SLC2A9: variants seen among roughly 807,000 people sequenced by gnomAD.
The protein encoded by SLC2A9 is solute carrier family 2 member 9.
A neutral mutation model predicts 50.6 loss-of-function variants in SLC2A9; 39 were observed. The observed-to-expected ratio is 0.77, with a 90% confidence interval of 0.60 to 1.01. The LOEUF is 1.01. Ranked by LOEUF, SLC2A9 falls within the 50% of genes least tolerant of loss-of-function variation. The pLI is 0.00. For missense variants in SLC2A9, 686 were observed against 677.6 expected, an observed-to-expected ratio of 1.01 and a Z score of -0.14; for synonymous variants, 324 against 276.9, an observed-to-expected ratio of 1.17 and a Z score of -1.69.
intron 3 of SLC2A9, among the ~76,000 whole-genome samples, chr4:9,819,556 C>A (rs1044226902): frequency 2.0e-5 from 3 of 152,138 alleles, no homozygotes; most frequent in African/African-American, 7.2e-5. Flanking sequence ...ATTTTTGATA[C>A]AAGTTCTTTG....
At chr4:9,812,564 A>C (rs1248200438) in intron 3 of SLC2A9, among the ~76,000 whole-genome samples, 1 of 152,142 alleles carries the variant, frequency 6.6e-6, no homozygotes, top group Non-Finnish European at 1.5e-5. Flanking sequence ...ATCACTAAAA[A>C]TATCTGTCTT....
intron 5 of SLC2A9, among the ~76,000 whole-genome samples, chr4:9,975,559 C>G (rs755999206): frequency 1.1e-4 from 17 of 152,298 alleles, no homozygotes; most frequent in Non-Finnish European, 2.1e-4. Flanking sequence ...GAGATACCAT[C>G]TCACACCAGT....
intron 10 of SLC2A9, among the ~76,000 whole-genome samples, chr4:9,874,536 C>T (rs1382565806): frequency 1.3e-5 from 2 of 152,188 alleles, no homozygotes; most frequent in African/African-American, 4.8e-5. Flanking sequence ...TGAGAGTGGG[C>T]TAGAAAGGAA....
intron 5 of SLC2A9, among the ~76,000 whole-genome samples, chr4:9,945,131 A>C (rs994865251): frequency 3.3e-5 from 5 of 152,258 alleles, no homozygotes; most frequent in Admixed American, 6.5e-5. Flanking sequence ...CTTACTGAGC[A>C]GGGGCTTGCA....
At chr4:9,817,722 A>C (rs1723804528) in intron 3 of SLC2A9, among the ~76,000 whole-genome samples, 1 of 152,180 alleles carries the variant, frequency 6.6e-6, no homozygotes, top group Admixed American at 6.5e-5. Context: ...CAACTCTCCT[A>C]ATTCTCAGTC....
chr4:9,798,473 A>G (rs187732612), downstream of SLC2A9, among the ~76,000 whole-genome samples: 33 of 152,274 alleles, frequency 2.2e-4, no homozygotes, highest in East Asian at 2.5e-3. Context: ...ATCATTATGT[A>G]AAGAGAGTTG....
intron 5 of SLC2A9, among the ~76,000 whole-genome samples, chr4:9,953,791 TTTTG>T (rs55668476): frequency 7.6e-4 from 115 of 151,216 alleles, no homozygotes; most frequent in Middle Eastern, 3.4e-3. Context: ...CCCAGCTAAA[TTTTG>T]TTTGTTTGTT....
chr4:9,865,877 CAG>C (rs1732379316), intron 10 of SLC2A9, among the ~76,000 whole-genome samples: 2 of 152,200 alleles, frequency 1.3e-5, no homozygotes, highest in Admixed American at 6.5e-5. Flanking sequence ...CACTGGTTTG[CAG>C]GAATCTGGCC....
chr4:9,788,586 T>A lies in SLC2A9; in HGVS notation n.386-8521A>T, dbSNP rs149523417. 3.7e-3 allele frequency among the ~76,000 whole-genome samples: 568 copies of A among 152,270 alleles called. 2 individuals are homozygous for A. Among genetic ancestry groups the A allele is most frequent in the African/African-American group, 0.012 (510 of 41,552 alleles). On this transcript the variant is annotated intron_variant and non_coding_transcript_variant, in intron 3 of 3. Transcript: ENST00000503803. Reference sequence around the variant, plus strand: ...TCCAGGTATGGGACCTGGGGACACATGTGTCCCATTTCTAAGATATTAACA... The same window carrying A: ...TCCAGGTATGGGACCTGGGGACACAAGTGTCCCATTTCTAAGATATTAACA...
At chr4:10,007,527 T>A (rs6449217) in intron 2 of SLC2A9, among the ~76,000 whole-genome samples, 89,730 of 152,092 alleles carry the variant, frequency 0.59, 26,939 homozygotes, top group East Asian at 0.89. Context: ...GTTTAATTAG[T>A]TGAAACATAA....
intron 3 of SLC2A9, chr4:9,783,280 C>T (rs774768050): frequency 8.1e-6 from 13 of 1,614,100 alleles, no homozygotes; most frequent in Middle Eastern, 1.6e-4. Context: ...TGCCCAACGC[C>T]GTTACCCCCG....
At chr4:9,790,213 T>C (rs1486546447) in intron 3 of SLC2A9, among the ~76,000 whole-genome samples, 7 of 152,214 alleles carry the variant, frequency 4.6e-5, no homozygotes, top group Admixed American at 3.9e-4. Context: ...TCATGTATAT[T>C]GCCCATGGGT....
intron 5 of SLC2A9, among the ~76,000 whole-genome samples, chr4:9,955,914 G>A (rs1751184826): frequency 1.1e-5 from 1 of 89,538 alleles, no homozygotes; most frequent in Non-Finnish European, 2.0e-5. Flanking sequence ...TTTCACTCTT[G>A]TTGCCCAGGC....
chr4:9,852,548 G>A (rs531351751), intron 10 of SLC2A9, among the ~76,000 whole-genome samples: 8 of 152,224 alleles, frequency 5.3e-5, no homozygotes, highest in South Asian at 2.1e-4. Context: ...CACCGCGCCC[G>A]GCCTCCAGTA....
chr4:9,805,080 C>T (rs898605206), intron 3 of SLC2A9, among the ~76,000 whole-genome samples: 3 of 152,224 alleles, frequency 2.0e-5, no homozygotes, highest in East Asian at 1.9e-4. Flanking sequence ...TGCAGATCTC[C>T]TGCCTGTGTC....
In SLC2A9 at chr4:9,844,155, AAAAATAATAAT is replaced by A. The variant is rs376976572; in HGVS notation, c.1292-9158_1292-9148del. Reference sequence around the variant, plus strand: ...GTGGAAGAGCCAGATTTAGTAAAAAAAAAATAATAATAAAAAAAAAAAAAAGTCCTTCTGAC... The same window carrying A: ...GTGGAAGAGCCAGATTTAGTAAAAAAAAAAAAAAAAAAAAGTCCTTCTGAC... On this transcript the variant is annotated intron_variant, in intron 10 of 11. Coordinates refer to ENST00000264784, the MANE Select transcript of SLC2A9 (RefSeq NM_020041.3). Among the ~76,000 whole-genome samples the A allele has an allele frequency of 3.8e-3, 351 of 91,674 alleles. 45 individuals are homozygous for A. Among genetic ancestry groups the A allele is most frequent in the Middle Eastern group, 9.4e-3 (2 of 212 alleles). The allele number at this position is 91,674 out of a possible 152,430, so 60.1% of individuals were successfully genotyped here. A position where few individuals can be genotyped will look rare whatever the true frequency, so the allele number is the denominator to read the frequency against.
At chr4:9,980,528 G>C (rs372379675) in intron 5 of SLC2A9, 64 bp downstream of exon 5, 127 of 1,608,864 alleles carry the variant, frequency 7.9e-5, no homozygotes, top group Middle Eastern at 5.9e-4. Context: ...TGGAGAAAAG[G>C]CTCCTTCCTG....
chr4:9,975,233 A>T (rs967600299), intron 5 of SLC2A9, among the ~76,000 whole-genome samples: 12 of 152,218 alleles, frequency 7.9e-5, no homozygotes, highest in Admixed American at 7.9e-4. Context: ...CAAAAACAAA[A>T]ATTGACAAGT....
intron 3 of SLC2A9, among the ~76,000 whole-genome samples, chr4:9,789,973 G>T (rs971264753): frequency 3.9e-5 from 6 of 152,216 alleles, no homozygotes; most frequent in African/African-American, 1.2e-4. Flanking sequence ...ATTGGGTGAG[G>T]TGCTTTGTAT....
Sources: gnomAD v4.1 joint callset for allele counts (sites outside exome capture counted in the v4.1 genomes callset) on GRCh38, gnomAD v4.1.1 for gene constraint, MANE v1.5 for transcripts, NCBI Gene and HGNC (gene_info 2026-07-23, HGNC 2026-07-21) for gene names.